Variants in FMN1 observed in about 807,000 individuals in gnomAD.
FMN1 encodes the protein formin-1.
FMN1 carries 110 observed loss-of-function variants against 132.4 expected under a neutral mutation model. The ratio of observed to expected loss-of-function variants is 0.83; its 90% CI spans 0.71 to 0.97. The LOEUF (loss-of-function observed/expected upper bound fraction) is 0.97, where lower values mean the gene tolerates loss of function less well. FMN1 is among the 50% of genes least tolerant of loss of function. The probability of loss-of-function intolerance (pLI) is 0.00; values close to 1 mark genes in which losing one functional copy is unlikely to be tolerated. For synonymous variants in FMN1, 722 were observed against 651.7 expected (o/e 1.11, Z -1.64); for missense variants, 1,792 against 1,705.3 (o/e 1.05, Z -0.90).
chr15:32,778,939 A>C (rs2056576103), intron 19 of FMN1, among the ~76,000 whole-genome samples: 1 of 152,164 alleles, frequency 6.6e-6, no homozygotes, highest in South Asian at 2.1e-4. Context: ...TGATGGAAAA[A>C]TTAAATGTGG....
intron 6 of FMN1, among the ~76,000 whole-genome samples, chr15:33,039,410 G>A (rs2036326335): frequency 6.6e-6 from 1 of 152,126 alleles, no homozygotes; most frequent in Non-Finnish European, 1.5e-5. Context: ...TCTAAGTGTA[G>A]CAAATATGAT....
At chr15:32,955,814 T>TGC (rs1162428506) in intron 9 of FMN1, among the ~76,000 whole-genome samples, 1 of 150,674 alleles carries the variant, frequency 6.6e-6, no homozygotes. Context: ...CGTGTGCGTG[T>TGC]GTGTGTGTGT....
chr15:33,171,595 A>C (rs1465963872), intron 3 of FMN1, among the ~76,000 whole-genome samples: 2 of 152,212 alleles, frequency 1.3e-5, no homozygotes, highest in African/African-American at 4.8e-5. Flanking sequence ...TAATTCCAGC[A>C]ATGGTTCTTG....
intron 6 of FMN1, among the ~76,000 whole-genome samples, chr15:33,048,631 C>CAAAAAAAAAAAAAAAACAAAAAAA (rs2036804666): frequency 2.3e-5 from 1 of 43,438 alleles, no homozygotes; most frequent in African/African-American, 7.6e-5. Context: ...GGCAATTTAC[C>CAAAAAAAAAAAAAAAACAAAAAAA]AAAAAAAAAA....
intron 9 of FMN1, among the ~76,000 whole-genome samples, chr15:32,949,180 G>A (rs951341180): frequency 6.6e-6 from 1 of 151,626 alleles, no homozygotes; most frequent in Non-Finnish European, 1.5e-5. Context: ...TAAAAATAAG[G>A]AAGTTTTTCC....
At chr15:32,878,689 T>A (rs1282879234) in intron 16 of FMN1, among the ~76,000 whole-genome samples, 4 of 152,194 alleles carry the variant, frequency 2.6e-5, no homozygotes, top group Non-Finnish European at 5.9e-5. Flanking sequence ...CATTTTTATA[T>A]GAGGATACTG....
At chr15:32,853,903 C>T (rs151255573) in intron 17 of FMN1, among the ~76,000 whole-genome samples, 68 of 152,212 alleles carry the variant, frequency 4.5e-4, no homozygotes, top group African/African-American at 1.4e-3. Context: ...GGCAGGGCGA[C>T]AATGAGAAGA....
intron 10 of FMN1, 23 bp downstream of exon 10, chr15:32,926,151 C>T: frequency 7.9e-7 from 1 of 1,266,058 alleles, no homozygotes; most frequent in Non-Finnish European, 1.1e-6. Flanking sequence ...AAAAGTAAAA[C>T]AAAAGTGATA....
intron 17 of FMN1, among the ~76,000 whole-genome samples, chr15:32,850,758 T>A (rs182701203): frequency 2.0e-5 from 3 of 152,378 alleles, no homozygotes; most frequent in Non-Finnish European, 4.4e-5. Context: ...TCAGAATTAC[T>A]GCTTTTGTTT....
chr15:32,909,881 TA>T (rs36044117), intron 11 of FMN1, among the ~76,000 whole-genome samples: 23,671 of 145,768 alleles, frequency 0.16, 3,611 homozygotes, highest in African/African-American at 0.41. Flanking sequence ...CTCATTTGAC[TA>T]AAAAAAAAAA....
intron 17 of FMN1, among the ~76,000 whole-genome samples, chr15:32,806,365 A>G (rs1166384979): frequency 6.6e-6 from 1 of 152,256 alleles, no homozygotes; most frequent in African/African-American, 2.4e-5. Flanking sequence ...GAGAACAGCC[A>G]TAGTGACCAT....
At chr15:33,028,556 T>A (rs149591582) in intron 6 of FMN1, among the ~76,000 whole-genome samples, 1 of 151,932 alleles carries the variant, frequency 6.6e-6, no homozygotes, top group Non-Finnish European at 1.5e-5. Flanking sequence ...TAAATAAAAA[T>A]TTTTAAAAAG....
chr15:32,968,691 GAATGGGATA>G lies in FMN1; in HGVS notation c.2987+14_2987+22del, dbSNP rs776600723. ...CAAATCCTAGGAATTCACATGCTGA[GAATGGGATA>G]GGGGAGAACTTACCTCCTATCACTT... On this transcript the variant is annotated intron_variant, in intron 8 of 20. Transcript: ENST00000616417. 1.7e-5 allele frequency: 27 copies of G among 1,611,610 alleles called. No individual in the cohort carries two copies. Among genetic ancestry groups the G allele is most frequent in the Admixed American group, 5.0e-5 (3 of 59,550 alleles).
intron 3 of FMN1, among the ~76,000 whole-genome samples, chr15:33,174,280 G>T (rs1214525086): frequency 6.6e-6 from 1 of 152,140 alleles, no homozygotes; most frequent in Non-Finnish European, 1.5e-5. Context: ...AGTGCATGTT[G>T]ATGACTAATT....
At chr15:33,125,326 A>C (rs925404987) in intron 4 of FMN1, among the ~76,000 whole-genome samples, 1 of 152,240 alleles carries the variant, frequency 6.6e-6, no homozygotes, top group Non-Finnish European at 1.5e-5. Context: ...AAGAAATGTT[A>C]GCAATCATCA....
At chr15:33,078,202 T>A (rs1360123830) in intron 5 of FMN1, among the ~76,000 whole-genome samples, 2 of 152,214 alleles carry the variant, frequency 1.3e-5, no homozygotes, top group Non-Finnish European at 2.9e-5. Context: ...AAATAATACT[T>A]AACTCATAGA....
Position 32,969,196 on chromosome 15 carries a change from G to A in FMN1, c.2505C>T (p.Ile835=), listed in dbSNP as rs2031553852. 6.2e-7 allele frequency: 1 copy of A among 1,613,924 alleles called. No individual in the cohort carries two copies. Among genetic ancestry groups the A allele is most frequent in the African/African-American group, 1.3e-5 (1 of 74,994 alleles). Residue 835 remains isoleucine (I), a synonymous_variant, in exon 8 of 21, where the codon ATC becomes ATT. Transcript: ENST00000616417. ...SNQLVPKKLN[I]SSLSQLSPPN... ...GGGGTGAGAGCTGGCTTAAAGAGGA[G>A]ATATTCAGCTTTTTGGGTACTAATT... is the stretch of plus-strand genomic sequence containing the variant.
intron 4 of FMN1, among the ~76,000 whole-genome samples, chr15:33,101,433 C>T (rs530610702): frequency 6.6e-6 from 1 of 151,714 alleles, no homozygotes; most frequent in Non-Finnish European, 1.5e-5. Context: ...GTAAGATACA[C>T]TAACACTAAC....
intron 4 of FMN1, among the ~76,000 whole-genome samples, chr15:33,145,916 T>C (rs1964198531): frequency 6.6e-6 from 1 of 151,790 alleles, no homozygotes; most frequent in African/African-American, 2.4e-5. Context: ...TTAGAAAAAA[T>C]ACGTGAAATC....
Sources: gnomAD v4.1 joint callset for allele counts (sites outside exome capture counted in the v4.1 genomes callset) on GRCh38, gnomAD v4.1.1 for gene constraint, MANE v1.5 for transcripts, NCBI Gene and HGNC (gene_info 2026-07-23, HGNC 2026-07-21) for gene names.